The following GRIA2 variants were observed in gnomAD, a reference collection of about 807,000 sequenced individuals.
GRIA2 encodes glutamate ionotropic receptor AMPA type subunit 2.
Under a neutral mutation model 97.3 loss-of-function variants are expected in GRIA2, and 14 were observed. The observed-to-expected ratio is 0.14, with a 90% confidence interval of 0.10 to 0.23. The LOEUF (loss-of-function observed/expected upper bound fraction) is 0.23. Among genes scored for constraint, GRIA2 ranks in the 10% least tolerant of loss-of-function variants. The probability of loss-of-function intolerance (pLI) is 1.00; values close to 1 mark genes in which losing one functional copy is unlikely to be tolerated. For missense variants in GRIA2, 558 were observed against 1,069.8 expected, an observed-to-expected ratio of 0.52 and a Z score of 6.67; for synonymous variants, 412 against 387.8, an observed-to-expected ratio of 1.06 and a Z score of -0.73.
At position 157,283,864 on chromosome 4, in the gene GRIA2, G is replaced by A. The variant is rs1412095457; in HGVS notation, c.230-19688G>A. 5.3e-5 allele frequency among the ~76,000 whole-genome samples: 8 copies of A among 151,992 alleles called. No homozygotes were observed. The South Asian group carries it at 1.5e-3, about 28-fold the overall frequency. On this transcript the variant is annotated intron_variant, in intron 2 of 15. Coordinates refer to ENST00000264426, the MANE Select transcript of GRIA2 (RefSeq NM_001083619.3). ...TTACCTTGTGATTATGCTATAAGAT[G>A]AAAGAGATATTAGATATGATGTCTT...
At chr4:157,321,405 A>T (rs1734559523) in intron 5 of GRIA2, 33 bp from the exon 6 acceptor site, 1 of 1,537,320 alleles carries the variant, frequency 6.5e-7, no homozygotes, top group African/African-American at 1.4e-5. Context: ...GTTCTCAAAC[A>T]AAAAGCGTGA....
chr4:157,357,707 C>G (rs1231204395), intron 12 of GRIA2, among the ~76,000 whole-genome samples: 1 of 151,928 alleles, frequency 6.6e-6, no homozygotes, highest in East Asian at 1.9e-4. Flanking sequence ...ACCTAACATA[C>G]CAGAACTAAT....
At chr4:157,275,046 TA>T (rs1732224975) in intron 2 of GRIA2, among the ~76,000 whole-genome samples, 1 of 152,024 alleles carries the variant, frequency 6.6e-6, no homozygotes, top group Non-Finnish European at 1.5e-5. Context: ...CCTGACTTTT[TA>T]ATGATTGCCA....
At chr4:157,301,033 T>C (rs946631203) in intron 2 of GRIA2, among the ~76,000 whole-genome samples, 1 of 152,210 alleles carries the variant, frequency 6.6e-6, no homozygotes, top group Non-Finnish European at 1.5e-5. Context: ...AGAAGAGGTC[T>C]CATTAATAAA....
rs747357354 is a variant in GRIA2 at position 157,363,014 on chromosome 4, C to T, written c.2622C>T (p.Asn874=). Reference sequence around the variant, plus strand: ...TTGCAACTTATAAGGAAGGTTACAACGTATATGGCATCGAAAGTGTTAAAA... The same window carrying T: ...TTGCAACTTATAAGGAAGGTTACAATGTATATGGCATCGAAAGTGTTAAAA... ...QNFATYKEGY[N]VYGIESVKI Residue 874 remains asparagine (N), a synonymous_variant, in exon 15 of 16, where the codon AAC becomes AAT. Transcript: ENST00000264426. The T allele has an allele frequency of 5.6e-6, 9 of 1,612,730 alleles. No homozygotes were observed. Among genetic ancestry groups the T allele is most frequent in the South Asian group, 3.3e-5 (3 of 91,032 alleles).
At chr4:157,273,459 A>T (rs2126794050) in intron 2 of GRIA2, among the ~76,000 whole-genome samples, 1 of 152,232 alleles carries the variant, frequency 6.6e-6, no homozygotes, top group Admixed American at 6.6e-5. Context: ...TCAATGATTA[A>T]TATGCTAAGG....
At chr4:157,317,001 T>C (rs1347820072) in intron 4 of GRIA2, among the ~76,000 whole-genome samples, 1 of 152,236 alleles carries the variant, frequency 6.6e-6, no homozygotes, top group Non-Finnish European at 1.5e-5. Context: ...TGTGTTTATC[T>C]TGACATTCAT....
intron 12 of GRIA2, among the ~76,000 whole-genome samples, chr4:157,347,086 C>T (rs1036564125): frequency 1.3e-5 from 2 of 151,978 alleles, no homozygotes; most frequent in African/African-American, 2.4e-5. Flanking sequence ...AACGTATTGC[C>T]CAGTTTAAGG....
At chr4:157,221,899 C>A (rs1729514210) in intron 2 of GRIA2, 92 bp downstream of exon 2, 4 of 1,182,330 alleles carry the variant, frequency 3.4e-6, no homozygotes, top group East Asian at 2.3e-5. Flanking sequence ...GGTGTGTGTG[C>A]GTTTCTGTGT....
chr4:157,270,071 T>A (rs946412428), intron 2 of GRIA2, among the ~76,000 whole-genome samples: 1 of 152,178 alleles, frequency 6.6e-6, no homozygotes, highest in Non-Finnish European at 1.5e-5. Flanking sequence ...GAAGATTCCC[T>A]TTGTAAGTAT....
Position 157,363,698 on chromosome 4 carries a change from G to A in GRIA2, c.*267G>A, listed in dbSNP as rs1736744732. ...CAGTATCTTGAAGACTTTTCTTTCA[G>A]CCAAGAATTCTTAAATATGTGGAGT... is the stretch of plus-strand genomic sequence containing the variant. On this transcript the variant is annotated 3_prime_UTR_variant, in exon 16 of 16. Transcript: ENST00000264426. The A allele has an allele frequency of 1.8e-6, 1 of 555,318 alleles. No homozygotes were observed. Among genetic ancestry groups the A allele is most frequent in the Admixed American group, 4.4e-5 (1 of 22,836 alleles). The allele number at this position is 555,318 out of a possible 1,614,324, so 34.4% of individuals were successfully genotyped here.
intron 2 of GRIA2, among the ~76,000 whole-genome samples, 176 bp from the exon 3 acceptor site, chr4:157,303,376 C>A (rs1733698744): frequency 6.6e-6 from 1 of 152,068 alleles, no homozygotes; most frequent in South Asian, 2.1e-4. Context: ...TTAGATCCCA[C>A]AAATAGAATG....
Position 157,333,263 on chromosome 4 carries a change from T to A in GRIA2, c.1065T>A (p.Gly355=). 1 of 1,579,156 alleles carries A rather than the reference T, an allele frequency of 6.3e-7. No individual in the cohort carries two copies. The change falls in exon 8 of 16, where the codon GGT becomes GGA. Residue 355 remains glycine, a synonymous_variant. Transcript: ENST00000264426. ...TTCTTCATTAGGTTCAGGTTGAAGG[T>A]CTCTCAGGAAATATAAAGTTTGACC... ...ERALKQVQVE[G]LSGNIKFDQN...
chr4:157,330,129 T>C (rs1472097732), intron 6 of GRIA2, among the ~76,000 whole-genome samples: 1 of 151,946 alleles, frequency 6.6e-6, no homozygotes, highest in African/African-American at 2.4e-5. Context: ...TTTTCAACGC[T>C]CTTGTAACAT....
chr4:157,353,888 A>G (rs558966129), intron 12 of GRIA2, among the ~76,000 whole-genome samples: 2 of 152,136 alleles, frequency 1.3e-5, no homozygotes, highest in Non-Finnish European at 2.9e-5. Flanking sequence ...ATGAAAAATC[A>G]AACTACTTTT....
At chr4:157,355,955 A>ATATTTATATG (rs1736309980) in intron 12 of GRIA2, among the ~76,000 whole-genome samples, 1 of 43,416 alleles carries the variant, frequency 2.3e-5, no homozygotes, top group Non-Finnish European at 4.3e-5. Flanking sequence ...ATATATTTAT[A>ATATTTATATG]TATTTATGTA....
At chr4:157,337,872 TAC>T (rs1389150238) in intron 11 of GRIA2, among the ~76,000 whole-genome samples, 1 of 151,004 alleles carries the variant, frequency 6.6e-6, no homozygotes, top group East Asian at 2.0e-4. Flanking sequence ...AAAAAAAAAT[TAC>T]ATTTTTATGA....
At chr4:157,333,163 C>A in intron 7 of GRIA2, 86 bp from the exon 8 acceptor site, 1 of 938,710 alleles carries the variant, frequency 1.1e-6, no homozygotes, top group Non-Finnish European at 1.6e-6. Context: ...GTTTTCTTGA[C>A]TTCATCTGGT....
rs1579394657 is a variant in GRIA2 at position 157,361,184 on chromosome 4, A to G, written c.2406+60A>G. ...ATGCAAAACAAAGTAAGCAGCAGCT[A>G]TGCACAGTGTGGGCACTCCGTGCCA... is the stretch of plus-strand genomic sequence containing the variant. On this transcript the variant is annotated intron_variant, in intron 14 of 15. Coordinates refer to ENST00000264426, the MANE Select transcript of GRIA2 (RefSeq NM_001083619.3). This position sits in a 1 kb window ranked among gnomAD's most constrained non-coding sequence, Gnocchi z 5.2. 7.5e-7 allele frequency: 1 copy of G among 1,326,642 alleles called. No individual in the cohort carries two copies. Among genetic ancestry groups the G allele is most frequent in the South Asian group, 1.2e-5 (1 of 84,124 alleles). The allele number at this position is 1,326,642 out of a possible 1,614,324, so 82.2% of individuals were successfully genotyped here.
Sources: gnomAD v4.1 joint callset for allele counts (sites outside exome capture counted in the v4.1 genomes callset) on GRCh38, gnomAD v4.1.1 for gene constraint, Gnocchi (gnomAD v3.1) non-coding constraint, MANE v1.5 for transcripts, NCBI Gene and HGNC (gene_info 2026-07-23, HGNC 2026-07-21) for gene names.